Variants in C2orf69 observed in about 807,000 individuals in gnomAD.
C2orf69 encodes mitochondrial protein C2orf69.
In C2orf69, 19 loss-of-function variants were observed where a neutral mutation model predicts 29.5. That is an observed-to-expected ratio of 0.65 (90% CI 0.45 to 0.95). C2orf69 has a LOEUF of 0.95. Ranked by LOEUF, C2orf69 falls within the 40% of genes least tolerant of loss-of-function variation. The pLI is 0.00. For synonymous variants in C2orf69, 194 were observed against 180.0 expected (o/e 1.08, Z -0.62); for missense variants, 416 against 482.1 (o/e 0.86, Z 1.28).
Position 199,925,115 on chromosome 2 carries a change from G to A in C2orf69, c.387G>A (p.Trp129Ter), listed in dbSNP as rs1218470992. Residue 129 changes from tryptophan to a stop codon, truncating the protein, a stop_gained, in exon 2 of 2, where the codon TGG (tryptophan) becomes TGA (stop). Transcript: ENST00000319974. LOFTEE classifies it high-confidence loss of function. This position sits in a 1 kb window ranked among gnomAD's most constrained non-coding sequence, Gnocchi z 4.9. ...RHPENYQWEN[W>*]SLENVATILA... ...CTGAGAATTATCAATGGGAAAACTGGAGTCTAGAAAATGTTGCTACCATTT... is the reference window on the plus strand; with the variant it reads ...CTGAGAATTATCAATGGGAAAACTGAAGTCTAGAAAATGTTGCTACCATTT... The A allele has an allele frequency of 6.2e-7, 1 of 1,612,984 alleles. No individual in the cohort carries two copies.
Position 199,915,610 on chromosome 2 carries a change from G to A in C2orf69, c.333+3839G>A, listed in dbSNP as rs189928448. 5.3e-4 allele frequency among the ~76,000 whole-genome samples: 81 copies of A among 151,436 alleles called. No homozygotes were observed. The East Asian group carries it at 0.013, about 25-fold the overall frequency. On this transcript the variant is annotated intron_variant, in intron 1 of 1. Transcript: ENST00000319974. ...CAACCTCCACCTCCCAGGCTCAAGC[G>A]ATTCTCCTGCCTCAGCCTCCTGAGT...
intron 1 of C2orf69, among the ~76,000 whole-genome samples, chr2:199,918,610 C>T (rs959129775): frequency 9.9e-5 from 15 of 152,138 alleles, no homozygotes; most frequent in African/African-American, 3.1e-4. Context: ...GATCTGCCTG[C>T]GTGGGCCTCC....
chr2:199,915,386 A>C (rs575450078), intron 1 of C2orf69, among the ~76,000 whole-genome samples: 76 of 151,980 alleles, frequency 5.0e-4, no homozygotes, highest in African/African-American at 1.8e-3. Context: ...TGGGATTACA[A>C]GCATGAGCCA....
At position 199,928,038 on chromosome 2, in the gene C2orf69, C is replaced by T. The variant is rs2077342557; in HGVS notation, c.*2152C>T. The T allele has an allele frequency of 6.6e-6, 1 of 152,446 alleles. No homozygotes were observed. The highest frequency in any genetic ancestry group is 2.4e-5 in the African/African-American group (1 of 41,402). 9.4% of individuals were successfully genotyped at this position (152,446 alleles called of 1,614,324 possible). The stretch of plus-strand genomic sequence containing the variant: ...GCAAAATGAGACAGTGTTGAAAAGA[C>T]AAAATATTTTCTGGAATGAAAATAT... On this transcript the variant is annotated 3_prime_UTR_variant, in exon 2 of 2. Transcript: ENST00000319974.
rs370430093 is a variant in C2orf69, at chr2:199,922,031, TTATA to T, written c.334-3011_334-3008del. On this transcript the variant is annotated intron_variant, in intron 1 of 1. Transcript: ENST00000319974. ...TTCCCCAAGGCTGCCACTGTTATTTTTATATATATATATATATATATATGCTTCC... is the reference window on the plus strand; with the variant it reads ...TTCCCCAAGGCTGCCACTGTTATTTTTATATATATATATATATATGCTTCC... 1.6e-3 allele frequency among the ~76,000 whole-genome samples: 124 copies of T among 78,962 alleles called. 6 individuals are homozygous for T. The highest frequency in any genetic ancestry group is 1.9e-3 in the Non-Finnish European group (85 of 44,288). 51.8% of individuals were successfully genotyped at this position (78,962 alleles called of 152,430 possible). A position where few individuals can be genotyped will look rare whatever the true frequency, so the allele number is the denominator to read the frequency against.
Position 199,911,519 on chromosome 2 carries a change from C to T in C2orf69, c.81C>T (p.Cys27=), listed in dbSNP as rs554682984. 218 of 1,549,426 alleles carry T rather than the reference C, an allele frequency of 1.4e-4. No individual in the cohort carries two copies. Among genetic ancestry groups the T allele is most frequent in the Non-Finnish European group, 1.8e-4 (209 of 1,146,608 alleles). Residue 27 remains cysteine, a synonymous_variant, in exon 1 of 2, where the codon TGC becomes TGT. Coordinates refer to ENST00000319974, the MANE Select transcript of C2orf69 (RefSeq NM_153689.6). ...PQLGIGNASS[C]SQARTMNPGG... ...TCGGAATCGGAAACGCCTCGTCCTG[C>T]TCTCAGGCCAGAACCATGAACCCGG...
intron 1 of C2orf69, among the ~76,000 whole-genome samples, chr2:199,917,710 TG>T (rs1311075089): frequency 5.3e-5 from 8 of 152,348 alleles, no homozygotes; most frequent in African/African-American, 1.7e-4. Flanking sequence ...CACATTTTCC[TG>T]TTTTCTTCTG....
At chr2:199,924,328 G>A (rs2077328041) in intron 1 of C2orf69, among the ~76,000 whole-genome samples, 1 of 152,126 alleles carries the variant, frequency 6.6e-6, no homozygotes, top group South Asian at 2.1e-4. Context: ...GATTGCTTGA[G>A]CCTGATAGGT....
chr2:199,911,756 C>T lies in C2orf69; in HGVS notation c.318C>T (p.Phe106=). The change falls in exon 1 of 2, where the codon TTC becomes TTT. Residue 106 remains phenylalanine (F), a synonymous_variant. Transcript: ENST00000319974. The part of the protein sequence containing the change: ...QPPPQHHVLY[F]PGDVQNYHEI... ...CGCCCCAGCATCACGTCCTCTATTT[C>T]CCTGGGGATGTGCAGGTAACTCGGG... is the stretch of plus-strand genomic sequence containing the variant. 1 of 1,539,494 alleles carries T rather than the reference C, an allele frequency of 6.5e-7. No individual in the cohort carries two copies. Among genetic ancestry groups the T allele is most frequent in the Non-Finnish European group, 8.7e-7 (1 of 1,146,910 alleles).
At chr2:199,921,956 A>G (rs1455251538) in intron 1 of C2orf69, among the ~76,000 whole-genome samples, 2 of 147,048 alleles carry the variant, frequency 1.4e-5, no homozygotes, top group Non-Finnish European at 3.0e-5. Flanking sequence ...TTACGGTTTT[A>G]CATTGAAAAG....
chr2:199,925,527 T>A lies in C2orf69; in HGVS notation c.799T>A (p.Cys267Ser). The A allele has an allele frequency of 6.2e-7, 1 of 1,613,872 alleles. No homozygotes were observed. The highest frequency in any genetic ancestry group is 8.5e-7 in the Non-Finnish European group (1 of 1,179,824). ...TACTTTGATTGGATTCAGTAAAGGT[T>A]GTGTTGTTTTGAATCAGTTGCTTTT... Reference protein sequence around the residue: ...SFTLIGFSKGCVVLNQLLFEL... With the variant: ...SFTLIGFSKGSVVLNQLLFEL... Residue 267 changes from cysteine to serine, a missense_variant, in exon 2 of 2, where the codon TGT (cysteine) becomes AGT (serine). Physicochemically the swap from Cys to Ser is moderately radical, Grantham distance 112. Coordinates refer to ENST00000319974, the MANE Select transcript of C2orf69 (RefSeq NM_153689.6). This position sits in a 1 kb window ranked among gnomAD's most constrained non-coding sequence, Gnocchi z 4.9.
Position 199,911,750 on chromosome 2 carries a change from C to G in C2orf69, c.312C>G (p.Leu104=), listed in dbSNP as rs528160849. ...EPQPPPQHHV[L]YFPGDVQNYH... is the part of the protein sequence containing the mutation. ...AGCCGCCGCCCCAGCATCACGTCCT[C>G]TATTTCCCTGGGGATGTGCAGGTAA... The change falls in exon 1 of 2, where the codon CTC becomes CTG. Residue 104 remains leucine, a synonymous_variant. Coordinates refer to ENST00000319974, the MANE Select transcript of C2orf69 (RefSeq NM_153689.6). 1.3e-6 allele frequency: 2 copies of G among 1,540,034 alleles called. No individual in the cohort carries two copies. Among genetic ancestry groups the G allele is most frequent in the South Asian group, 1.2e-5 (1 of 84,062 alleles).
At chr2:199,911,893 C>A (rs751455395) in intron 1 of C2orf69, 122 bp downstream of exon 1, 17 of 1,336,478 alleles carry the variant, frequency 1.3e-5, no homozygotes, top group Non-Finnish European at 1.7e-5. Flanking sequence ...CACACATTCA[C>A]TGAGGGTGGC....
chr2:199,922,994 A>G (rs1392493827), intron 1 of C2orf69, among the ~76,000 whole-genome samples: 4 of 151,958 alleles, frequency 2.6e-5, no homozygotes, highest in Non-Finnish European at 5.9e-5. Context: ...CACATTTGCT[A>G]CTGTTGACTC....
At chr2:199,921,001 GT>G (rs71019096) in intron 1 of C2orf69, among the ~76,000 whole-genome samples, 4,796 of 66,906 alleles carry the variant, frequency 0.072, 52 homozygotes, top group East Asian at 0.17. Context: ...CTAGGAATTA[GT>G]TTTTTTTTTT....
chr2:199,914,807 C>T (rs2077286959), intron 1 of C2orf69, among the ~76,000 whole-genome samples: 1 of 152,148 alleles, frequency 6.6e-6, no homozygotes, highest in Non-Finnish European at 1.5e-5. Context: ...GGTTTATTAC[C>T]TCACCTCTTC....
intron 1 of C2orf69, among the ~76,000 whole-genome samples, chr2:199,912,054 CAG>C (rs2106636284): frequency 6.6e-6 from 1 of 152,272 alleles, no homozygotes; most frequent in South Asian, 2.1e-4. Flanking sequence ...GAATTTGAGA[CAG>C]GGAGTGACAC....
intron 1 of C2orf69, among the ~76,000 whole-genome samples, chr2:199,922,181 C>CACCT (rs2077319506): frequency 6.6e-6 from 1 of 151,482 alleles, no homozygotes; most frequent in Admixed American, 6.6e-5. Context: ...CAGCAACCTC[C>CACCT]ACCTCCTGGG....
At chr2:199,915,920 A>T (rs902036045) in intron 1 of C2orf69, among the ~76,000 whole-genome samples, 1 of 152,156 alleles carries the variant, frequency 6.6e-6, no homozygotes, top group Non-Finnish European at 1.5e-5. Context: ...TAACTTCTTG[A>T]TGTTCCTTTT....
Sources: gnomAD v4.1 joint callset for allele counts (sites outside exome capture counted in the v4.1 genomes callset) on GRCh38, gnomAD v4.1.1 for gene constraint, Gnocchi (gnomAD v3.1) non-coding constraint, MANE v1.5 for transcripts, NCBI Gene and HGNC (gene_info 2026-07-23, HGNC 2026-07-21) for gene names.